Variants in UGT1A10 observed in about 807,000 individuals in gnomAD.
The protein encoded by UGT1A10 is UDP-glucuronosyltransferase 1A10.
In UGT1A10, 49 loss-of-function variants were observed where a neutral mutation model predicts 45.8. The observed-to-expected ratio is 1.07, with a 90% CI of 0.85 to 1.36. The LOEUF (loss-of-function observed/expected upper bound fraction) is 1.36, where lower values mean the gene tolerates loss of function less well. Among genes scored for constraint, UGT1A10 ranks in the 40% most tolerant of loss-of-function variants. The probability of loss-of-function intolerance (pLI) is 0.00; values close to 1 mark genes in which losing one functional copy is unlikely to be tolerated. For missense variants in UGT1A10, 745 were observed against 668.6 expected (o/e 1.11, Z -1.26); for synonymous variants, 284 against 249.7 (o/e 1.14, Z -1.29).
intron 1 of UGT1A10, among the ~76,000 whole-genome samples, chr2:233,757,480 T>G (rs935196749): frequency 1.4e-5 from 2 of 146,296 alleles, no homozygotes; most frequent in African/African-American, 5.1e-5. Context: ...TCCAAAACCA[T>G]GGACTGGCAC....
Position 233,637,329 on chromosome 2 carries a change from G to T in UGT1A10, c.807G>T (p.Met269Ile). ...ATCCCAAACCCGTGATGCCCAACAT[G>T]ATCTTCATTGGTGGTATCAACTGTC... ...LDYPKPVMPN[M>I]IFIGGINCHQ... Residue 269 changes from methionine to isoleucine, a missense_variant, in exon 1 of 5, where the codon ATG (methionine) becomes ATT (isoleucine). By Grantham distance (10) the Met-to-Ile change is conservative. Coordinates refer to ENST00000344644, the MANE Select transcript of UGT1A10 (RefSeq NM_019075.4). The T allele has an allele frequency of 6.2e-7, 1 of 1,613,938 alleles. No individual in the cohort carries two copies. Among genetic ancestry groups the T allele is most frequent in the Non-Finnish European group, 8.5e-7 (1 of 1,179,860 alleles).
intron 1 of UGT1A10, among the ~76,000 whole-genome samples, chr2:233,638,793 T>G (rs544696095): frequency 6.6e-6 from 1 of 152,346 alleles, no homozygotes; most frequent in South Asian, 2.1e-4. Flanking sequence ...TTCAGCCATC[T>G]CATAGGAAAG....
At chr2:233,713,379 G>A in intron 1 of UGT1A10, 1 of 1,614,156 alleles carries the variant, frequency 6.2e-7, no homozygotes, top group Non-Finnish European at 8.5e-7. Flanking sequence ...GTCTTGTGTG[G>A]AGCTACTGCA....
intron 1 of UGT1A10, chr2:233,760,236 A>G: frequency 1.3e-6 from 2 of 1,590,176 alleles, no homozygotes; most frequent in Non-Finnish European, 1.7e-6. Context: ...TTTTTGCCAT[A>G]TATATATATA....
chr2:233,714,109 G>A (rs561415823), intron 1 of UGT1A10, among the ~76,000 whole-genome samples: 1 of 152,272 alleles, frequency 6.6e-6, no homozygotes, highest in East Asian at 1.9e-4. Flanking sequence ...AGAGTGGTGT[G>A]ACTCACGGAG....
chr2:233,684,896 A>G (rs950452204), intron 1 of UGT1A10, among the ~76,000 whole-genome samples: 4 of 152,178 alleles, frequency 2.6e-5, no homozygotes, highest in African/African-American at 9.7e-5. Flanking sequence ...TTGGAAAAGT[A>G]TACAGTTTTT....
intron 1 of UGT1A10, among the ~76,000 whole-genome samples, chr2:233,763,903 G>C (rs779915264): frequency 2.2e-4 from 34 of 152,300 alleles, no homozygotes; most frequent in Middle Eastern, 3.4e-3. Flanking sequence ...CAGAAGATTA[G>C]TGAGGACCAA....
At chr2:233,649,460 G>A (rs2073685560) in intron 1 of UGT1A10, among the ~76,000 whole-genome samples, 1 of 152,150 alleles carries the variant, frequency 6.6e-6, no homozygotes, top group Non-Finnish European at 1.5e-5. Context: ...GTTCTTTGCA[G>A]TTTTGTATGC....
In UGT1A10 at chr2:233,637,234, CCT is replaced by C. The variant is rs1424435923; in HGVS notation, c.713_714del (p.Pro238ArgfsTer5). The C allele has an allele frequency of 5.0e-6, 8 of 1,613,928 alleles. No homozygotes were observed. The highest frequency in any genetic ancestry group is 1.7e-4 in the Middle Eastern group (1 of 6,056). On this transcript the variant is annotated frameshift_variant, in exon 1 of 5. Transcript: ENST00000344644. LOFTEE classifies it high-confidence loss of function. ...AATAGCCTCTGAAATTCTCCAAACC[CCT>C]GTCACGGCATATGATCTCTACAGTC... Reference protein sequence around the residue: ...LEIASEILQTPVTAYDLYSHT... With the variant: ...LEIASEILQTXVTAYDLYSHT...
intron 1 of UGT1A10, among the ~76,000 whole-genome samples, chr2:233,689,465 C>G (rs2074945265): frequency 6.6e-6 from 1 of 152,154 alleles, no homozygotes; most frequent in African/African-American, 2.4e-5. Context: ...TTTAGGAAAA[C>G]AGAAGTTACA....
At chr2:233,753,903 T>TA in intron 1 of UGT1A10, among the ~76,000 whole-genome samples, 1 of 152,344 alleles carries the variant, frequency 6.6e-6, no homozygotes, top group East Asian at 1.9e-4. Flanking sequence ...ACATGCTTCT[T>TA]ACACCGATTT....
intron 1 of UGT1A10, among the ~76,000 whole-genome samples, chr2:233,754,083 T>G (rs950704601): frequency 2.0e-5 from 3 of 152,238 alleles, no homozygotes; most frequent in Non-Finnish European, 4.4e-5. Flanking sequence ...TAACCTTTTA[T>G]CTAAATAATG....
intron 1 of UGT1A10, among the ~76,000 whole-genome samples, chr2:233,662,944 T>G (rs753746113): frequency 6.6e-6 from 1 of 152,216 alleles, no homozygotes; most frequent in African/African-American, 2.4e-5. Context: ...GATTTATTTT[T>G]AAAGCTTATT....
chr2:233,732,205 G>T, intron 1 of UGT1A10, among the ~76,000 whole-genome samples: 1 of 152,068 alleles, frequency 6.6e-6, no homozygotes, highest in South Asian at 2.1e-4. Context: ...TTGTCAGATG[G>T]GTAGATTGCA....
At chr2:233,646,416 CT>C (rs1363892817) in intron 1 of UGT1A10, among the ~76,000 whole-genome samples, 2 of 152,196 alleles carry the variant, frequency 1.3e-5, no homozygotes, top group Non-Finnish European at 2.9e-5. Context: ...ATGGGATTTT[CT>C]TTTCTATCAC....
chr2:233,660,082 CT>C (rs1559328796), intron 1 of UGT1A10, among the ~76,000 whole-genome samples: 1 of 152,330 alleles, frequency 6.6e-6, no homozygotes, highest in African/African-American at 2.4e-5. Context: ...CCTTGATTGG[CT>C]CTGTTTTAAG....
At chr2:233,650,513 T>G (rs1259869711) in intron 1 of UGT1A10, among the ~76,000 whole-genome samples, 1 of 152,244 alleles carries the variant, frequency 6.6e-6, no homozygotes, top group Non-Finnish European at 1.5e-5. Context: ...CAAATTGGTA[T>G]GGATGGTCTG....
At chr2:233,664,302 G>A (rs1347603945) in intron 1 of UGT1A10, among the ~76,000 whole-genome samples, 1 of 152,046 alleles carries the variant, frequency 6.6e-6, no homozygotes, top group Non-Finnish European at 1.5e-5. Flanking sequence ...CTCTTCAAAC[G>A]TCTGCCTGCT....
intron 1 of UGT1A10, chr2:233,672,495 T>G (rs776267881): frequency 7.4e-6 from 12 of 1,613,830 alleles, no homozygotes; most frequent in Non-Finnish European, 9.3e-6. Context: ...CTGCTCCTCT[T>G]TCCTATGTCC....
Sources: allele counts gnomAD v4.1 joint callset (sites outside exome capture counted in the v4.1 genomes callset), GRCh38; gene constraint gnomAD v4.1.1; transcripts MANE v1.5; gene names NCBI Gene and HGNC (gene_info 2026-07-23, HGNC 2026-07-21).